PLXNA4: variants seen among roughly 807,000 people sequenced by gnomAD.
PLXNA4 encodes plexin-A4.
PLXNA4 carries 44 observed loss-of-function variants against 191.8 expected under a neutral mutation model. The observed-to-expected ratio is 0.23, with a 90% confidence interval of 0.18 to 0.29. PLXNA4 has a LOEUF of 0.29. PLXNA4 is among the 10% of genes least tolerant of loss of function. The pLI is 1.00. For missense variants in PLXNA4, 1,800 were observed against 2,488.8 expected, an observed-to-expected ratio of 0.72 and a Z score of 5.89; for synonymous variants, 1,082 against 1,009.5, an observed-to-expected ratio of 1.07 and a Z score of -1.36.
intron 3 of PLXNA4, among the ~76,000 whole-genome samples, chr7:132,487,461 G>A (rs1276893708): frequency 6.6e-6 from 1 of 152,178 alleles, no homozygotes; most frequent in Non-Finnish European, 1.5e-5. Flanking sequence ...AATGCCCCCG[G>A]TATTTAGAAT....
At chr7:132,407,583 C>T (rs956271499) in intron 3 of PLXNA4, among the ~76,000 whole-genome samples, 17 of 152,178 alleles carry the variant, frequency 1.1e-4, no homozygotes, top group African/African-American at 3.9e-4. Flanking sequence ...CCAGCATGCC[C>T]CCTGGAAACC....
intron 4 of PLXNA4, among the ~76,000 whole-genome samples, chr7:132,277,401 A>G (rs1554404773): frequency 2.0e-5 from 3 of 152,194 alleles, no homozygotes; most frequent in Non-Finnish European, 4.4e-5. Context: ...AGGTCCTGTG[A>G]GGGCTGCAAG....
At chr7:132,363,134 G>A (rs557657032) in intron 3 of PLXNA4, among the ~76,000 whole-genome samples, 6 of 152,178 alleles carry the variant, frequency 3.9e-5, no homozygotes, top group African/African-American at 7.2e-5. Context: ...ACAGGCATGC[G>A]CCACCATGCC....
chr7:132,336,632 C>A (rs1175564973), intron 3 of PLXNA4, among the ~76,000 whole-genome samples: 1 of 152,086 alleles, frequency 6.6e-6, no homozygotes, highest in Non-Finnish European at 1.5e-5. Flanking sequence ...AGAGGGTGGC[C>A]ACCACCACCC....
intron 3 of PLXNA4, among the ~76,000 whole-genome samples, chr7:132,306,811 G>C (rs1211374017): frequency 6.6e-6 from 1 of 152,118 alleles, no homozygotes; most frequent in Non-Finnish European, 1.5e-5. Context: ...CCACATCTCA[G>C]CTCAAACACA....
intron 29 of PLXNA4, among the ~76,000 whole-genome samples, chr7:132,144,901 A>G (rs376998108): frequency 7.9e-5 from 12 of 152,380 alleles, no homozygotes; most frequent in African/African-American, 2.9e-4. Context: ...AAAGATGCAC[A>G]GACAGATTTG....
intron 4 of PLXNA4, among the ~76,000 whole-genome samples, chr7:132,296,503 CT>C (rs1227554418): frequency 6.6e-6 from 1 of 151,518 alleles, no homozygotes; most frequent in East Asian, 1.9e-4. Flanking sequence ...AACTCCTGGC[CT>C]TTCGGTAATC....
At position 132,127,983 on chromosome 7, in the gene PLXNA4, T is replaced by TAACTG. The variant is rs1554446093; in HGVS notation, c.*2491_*2495dup. 1 of 90,146 alleles carries TAACTG rather than the reference T, an allele frequency of 1.1e-5. No homozygotes were observed. Among genetic ancestry groups the TAACTG allele is most frequent in the African/African-American group, 5.0e-5 (1 of 20,112 alleles). 5.6% of individuals were successfully genotyped at this position (90,146 alleles called of 1,614,324 possible). A position where few individuals can be genotyped will look rare whatever the true frequency, so the allele number is the denominator to read the frequency against. Reference sequence around the variant, plus strand: ...TTTCTGCTTGTTTGATTTTTTCTCTTAACTGTGCAAAAAAAAAAAAAAAAA... The same window carrying TAACTG: ...TTTCTGCTTGTTTGATTTTTTCTCTTAACTGAACTGTGCAAAAAAAAAAAAAAAAA... On this transcript the variant is annotated 3_prime_UTR_variant, in exon 32 of 32. Transcript: ENST00000321063.
chr7:132,124,938 A>C lies in PLXNA4; in HGVS notation c.*5541T>G, dbSNP rs891437508. The C allele has an allele frequency of 1.3e-5, 2 of 152,180 alleles. No individual in the cohort carries two copies. Among genetic ancestry groups the C allele is most frequent in the Admixed American group, 1.3e-4 (2 of 15,282 alleles). The allele number at this position is 152,180 out of a possible 1,614,324, so 9.4% of individuals were successfully genotyped here. On this transcript the variant is annotated 3_prime_UTR_variant, in exon 32 of 32. Coordinates refer to ENST00000321063, the MANE Select transcript of PLXNA4 (RefSeq NM_020911.2). Reference sequence around the variant, plus strand: ...AAGGAATTTAATCGGGATCCTAATGAGTATGTATTTCTCTTACAACCAAAA... The same window carrying C: ...AAGGAATTTAATCGGGATCCTAATGCGTATGTATTTCTCTTACAACCAAAA...
chr7:132,543,849 G>C (rs144780023), intron 1 of PLXNA4, among the ~76,000 whole-genome samples: 1 of 152,222 alleles, frequency 6.6e-6, no homozygotes, highest in African/African-American at 2.4e-5. Flanking sequence ...AAATCAGGAA[G>C]GAGAGTTGAC....
chr7:132,290,312 T>G lies in PLXNA4; in HGVS notation c.1503+7779A>C, dbSNP rs556739706. Among the ~76,000 whole-genome samples, 32 of 152,348 alleles carry G rather than the reference T, an allele frequency of 2.1e-4. No individual in the cohort carries two copies. In the South Asian group the frequency reaches 6.0e-3, roughly 29 times the overall value. ...GAGAGGCAGATACATTGAAATTCAC[T>G]GAGAAATCTGCCACTTCCTCTGGGT... On this transcript the variant is annotated intron_variant, in intron 4 of 31. Coordinates refer to ENST00000321063, the MANE Select transcript of PLXNA4 (RefSeq NM_020911.2).
intron 4 of PLXNA4, among the ~76,000 whole-genome samples, chr7:132,289,615 C>T (rs866098823): frequency 1.3e-5 from 2 of 152,066 alleles, no homozygotes; most frequent in Non-Finnish European, 2.9e-5. Flanking sequence ...TCATTGCAGC[C>T]TCAACCTCCT....
At chr7:132,623,396 T>A (rs1459956525) in intron 2 of PLXNA4, among the ~76,000 whole-genome samples, 1 of 151,106 alleles carries the variant, frequency 6.6e-6, no homozygotes, top group Non-Finnish European at 1.5e-5. Flanking sequence ...AAAGAAAAAC[T>A]AAAATTAAAG....
chr7:132,392,748 A>C (rs1321100838), intron 3 of PLXNA4, among the ~76,000 whole-genome samples: 1 of 152,224 alleles, frequency 6.6e-6, no homozygotes, highest in Non-Finnish European at 1.5e-5. Flanking sequence ...GTTGGAGGCT[A>C]CAGCAATCCT....
chr7:132,261,391 G>C (rs1352887759), intron 4 of PLXNA4, among the ~76,000 whole-genome samples: 1 of 152,216 alleles, frequency 6.6e-6, no homozygotes, highest in African/African-American at 2.4e-5. Context: ...CTGAACAAGG[G>C]CAGTGTGTGC....
chr7:132,288,825 C>T (rs1317606793), intron 4 of PLXNA4, among the ~76,000 whole-genome samples: 2 of 152,166 alleles, frequency 1.3e-5, no homozygotes, highest in East Asian at 3.8e-4. Context: ...GACAGTATCT[C>T]CACAACAGCC....
At chr7:132,198,707 G>A in intron 12 of PLXNA4, 71 bp from the exon 13 acceptor site, 2 of 1,573,816 alleles carry the variant, frequency 1.3e-6, no homozygotes, top group Non-Finnish European at 1.7e-6. Flanking sequence ...GAGGCAAGGA[G>A]AGGCTGCTGG....
intron 1 of PLXNA4, among the ~76,000 whole-genome samples, chr7:132,531,658 C>G (rs1799619314): frequency 6.6e-6 from 1 of 152,138 alleles, no homozygotes; most frequent in Non-Finnish European, 1.5e-5. Context: ...GTAATAGAGC[C>G]AAAATCGAGT....
intron 3 of PLXNA4, among the ~76,000 whole-genome samples, chr7:132,451,695 GA>G (rs1225220166): frequency 6.6e-6 from 1 of 152,220 alleles, no homozygotes; most frequent in Non-Finnish European, 1.5e-5. Flanking sequence ...TTTCTAGAAG[GA>G]AGCAAGAGCT....
Sources: allele counts gnomAD v4.1 joint callset (sites outside exome capture counted in the v4.1 genomes callset), GRCh38; gene constraint gnomAD v4.1.1; transcripts MANE v1.5; gene names NCBI Gene and HGNC (gene_info 2026-07-23, HGNC 2026-07-21).